The following NFKBID variants were observed in gnomAD, a reference collection of about 807,000 sequenced individuals.
The protein encoded by NFKBID is NFKB inhibitor delta.
A neutral mutation model predicts 53.4 loss-of-function variants in NFKBID; 26 were observed. That is an observed-to-expected ratio of 0.49 (90% CI 0.36 to 0.68). The LOEUF is 0.68. Among genes scored for constraint, NFKBID ranks in the 30% least tolerant of loss-of-function variants. The probability of loss-of-function intolerance (pLI) is 0.00; values close to 1 mark genes in which losing one functional copy is unlikely to be tolerated. For missense variants in NFKBID, 493 were observed against 614.1 expected (o/e 0.80, Z 2.08); for synonymous variants, 262 against 259.8 (o/e 1.01, Z -0.08).
At chr19:35,897,127 G>A (rs894753341) in intron 4 of NFKBID, 69 bp from the exon 5 acceptor site, 2 of 1,516,866 alleles carry the variant, frequency 1.3e-6, no homozygotes, top group Non-Finnish European at 8.9e-7. Flanking sequence ...GTGGTGGGGA[G>A]ACCCAGTCAG....
At chr19:35,899,996 G>T (rs1048044724) in intron 1 of NFKBID, among the ~76,000 whole-genome samples, 7 of 148,160 alleles carry the variant, frequency 4.7e-5, no homozygotes, top group Non-Finnish European at 1.0e-4. Flanking sequence ...GCAGAGGCAG[G>T]GTCACCGCCA....
chr19:35,894,074 T>C (rs920944214), intron 9 of NFKBID, among the ~76,000 whole-genome samples: 1 of 151,640 alleles, frequency 6.6e-6, no homozygotes, highest in Non-Finnish European at 1.5e-5. Context: ...CTGGCCAACA[T>C]AGGGAAACCC....
chr19:35,897,882 C>G (rs548159023), intron 3 of NFKBID, 26 bp from the exon 4 acceptor site: 1 of 1,495,866 alleles, frequency 6.7e-7, no homozygotes, highest in Non-Finnish European at 9.0e-7. Flanking sequence ...GGGGCAGGGG[C>G]AGGTCTGGTT....
At chr19:35,900,982 G>A (rs1318358345), upstream of NFKBID, among the ~76,000 whole-genome samples, 1 of 151,924 alleles carries the variant, frequency 6.6e-6, no homozygotes, top group Non-Finnish European at 1.5e-5. Context: ...ACAGGTGCTG[G>A]ACACCATGCC....
chr19:35,900,544 C>A lies in NFKBID; in HGVS notation c.-42G>T. The A allele has an allele frequency of 8.1e-7, 1 of 1,231,680 alleles. No homozygotes were observed. The highest frequency in any genetic ancestry group is 1.0e-6 in the Non-Finnish European group (1 of 987,650). The allele number at this position is 1,231,680 out of a possible 1,614,324, so 76.3% of individuals were successfully genotyped here. ...GCGGAGCCGCCGCCGGGTCCCCGATCTTGGGTCCGGTACCCGCGAGTTTTT... is the reference window on the plus strand; with the variant it reads ...GCGGAGCCGCCGCCGGGTCCCCGATATTGGGTCCGGTACCCGCGAGTTTTT... On this transcript the variant is annotated 5_prime_UTR_variant, in exon 1 of 12. Coordinates refer to ENST00000641389, the Ensembl canonical transcript of NFKBID.
chr19:35,893,174 A>C (rs970175247), intron 9 of NFKBID, among the ~76,000 whole-genome samples: 1 of 152,208 alleles, frequency 6.6e-6, no homozygotes, highest in Non-Finnish European at 1.5e-5. Flanking sequence ...GTCTCTAAAA[A>C]ACAAACAAAC....
rs768512398 is a variant in NFKBID, at chr19:35,896,080, C to T, written c.932G>A (p.Arg311His). Reference sequence around the variant, plus strand: ...CACCCGGGGACAGAGGTCGGAAGGGCGCATAGCAACGTTAAGGGCCAGGAT... The same window carrying T: ...CACCCGGGGACAGAGGTCGGAAGGGTGCATAGCAACGTTAAGGGCCAGGAT... The change falls in exon 9 of 12, where the codon CGC becomes CAC. Residue 311 changes from arginine (R) to histidine (H), a missense_variant. This residue lies in a region of NFKBID where 267 missense variants were observed against 384.6 expected (regional missense o/e 0.69). Transcript: ENST00000641389. The surrounding 1 kb of genome is among the most constrained non-coding windows in gnomAD (Gnocchi z 5.7). 1.8e-5 allele frequency: 29 copies of T among 1,613,986 alleles called. No individual in the cohort carries two copies. The highest frequency in any genetic ancestry group is 8.3e-5 in the Admixed American group (5 of 59,992).
upstream of NFKBID, among the ~76,000 whole-genome samples, chr19:35,900,827 C>CTTTCTTTTTTTTTTTTTTTTTTTTT (rs1975529581): frequency 1.9e-5 from 2 of 107,606 alleles, no homozygotes; most frequent in African/African-American, 3.6e-5. Context: ...TTTTTCTTTT[C>CTTTCTTTTTTTTTTTTTTTTTTTTT]TTTTTTTTTT....
At chr19:35,900,072 A>ACCCCCC (rs1568498131) in intron 1 of NFKBID, among the ~76,000 whole-genome samples, 5 of 792 alleles carry the variant, frequency 6.3e-3, no homozygotes, top group Admixed American at 0.037. Flanking sequence ...TTAAGCAACC[A>ACCCCCC]CGCCCCCCCC....
At chr19:35,898,217 C>T (rs1354327621) in intron 3 of NFKBID, among the ~76,000 whole-genome samples, 1 of 152,076 alleles carries the variant, frequency 6.6e-6, no homozygotes, top group Non-Finnish European at 1.5e-5. Context: ...AGCAAGGTGG[C>T]ATCGCCTGTG....
Position 35,896,457 on chromosome 19 carries a change from C to A in NFKBID, c.766G>T (p.Ala256Ser). Residue 256 changes from alanine (A) to serine (S), a missense_variant, in exon 7 of 12, where the codon GCT becomes TCT. Ala to Ser is a moderately conservative substitution (Grantham distance 99). Coordinates refer to ENST00000641389, the Ensembl canonical transcript of NFKBID. The surrounding 1 kb of genome is among the most constrained non-coding windows in gnomAD (Gnocchi z 5.7). ...AAGACCGAACGTCCCTGATGGTCAGCGGCATTGGGCTCTGCTCCCAGGTTC... is the reference window on the plus strand; with the variant it reads ...AAGACCGAACGTCCCTGATGGTCAGAGGCATTGGGCTCTGCTCCCAGGTTC... 2 of 1,614,124 alleles carry A rather than the reference C, an allele frequency of 1.2e-6. No homozygotes were observed. The highest frequency in any genetic ancestry group is 1.7e-6 in the Non-Finnish European group (2 of 1,179,998).
intron 9 of NFKBID, among the ~76,000 whole-genome samples, chr19:35,891,641 G>A (rs1435994085): frequency 6.6e-6 from 1 of 152,086 alleles, no homozygotes; most frequent in African/African-American, 2.4e-5. Context: ...GGCCAAGGAG[G>A]GCGGATCACT....
intron 9 of NFKBID, among the ~76,000 whole-genome samples, chr19:35,893,425 T>C (rs752924727): frequency 4.6e-5 from 7 of 152,144 alleles, no homozygotes; most frequent in Non-Finnish European, 8.8e-5. Flanking sequence ...CTTCTTACAG[T>C]CCATCCCCAC....
chr19:35,896,809 G>A lies in NFKBID; in HGVS notation c.601C>T (p.Arg201Trp), dbSNP rs780262693. 39 of 1,613,872 alleles carry A rather than the reference G, an allele frequency of 2.4e-5. No individual in the cohort carries two copies. The highest frequency in any genetic ancestry group is 4.5e-5 in the East Asian group (2 of 44,896). The stretch of plus-strand genomic sequence containing the variant: ...GCATATGCCGCCCAGCGCAGCCCCC[G>A]AGCCGCAAACAGGTGAAGGAGCCTG... The change falls in exon 6 of 12, where the codon CGG (arginine) becomes TGG (tryptophan). Residue 201 changes from arginine (R) to tryptophan (W), a missense_variant. By Grantham distance (101) the Arg-to-Trp change is moderately radical. Transcript: ENST00000641389. The surrounding 1 kb of genome is among the most constrained non-coding windows in gnomAD (Gnocchi z 5.7).
intron 1 of NFKBID, chr19:35,899,889 G>C (rs1021112342): frequency 6.6e-6 from 1 of 152,270 alleles, no homozygotes; most frequent in African/African-American, 2.4e-5. Flanking sequence ...GCTCCGAGGC[G>C]GGGCGCGCGG....
Position 35,896,566 on chromosome 19 carries a change from G to C in NFKBID, c.685-28C>G, listed in dbSNP as rs763829541. On this transcript the variant is annotated intron_variant, in intron 6 of 11. Transcript: ENST00000641389. This position sits in a 1 kb window ranked among gnomAD's most constrained non-coding sequence, Gnocchi z 5.7. ...GCAGGCCACAGGAGAAGTCAGGTTG[G>C]GCTCCTGGTTCCCTCCCGTCAGAAA... 19 of 1,611,956 alleles carry C rather than the reference G, an allele frequency of 1.2e-5. No individual in the cohort carries two copies. The highest frequency in any genetic ancestry group is 1.7e-4 in the Middle Eastern group (1 of 6,022).
chr19:35,891,592 G>A (rs1381260635), intron 9 of NFKBID, among the ~76,000 whole-genome samples: 1 of 151,910 alleles, frequency 6.6e-6, no homozygotes, highest in Non-Finnish European at 1.5e-5. Context: ...TTTTTCGAAG[G>A]GCACAGGGGC....
upstream of NFKBID, chr19:35,901,851 G>A (rs1975576079): frequency 3.0e-6 from 1 of 336,744 alleles, no homozygotes; most frequent in African/African-American, 2.1e-5. Flanking sequence ...ATGAGCCACT[G>A]CGGTGGCCTC....
upstream of NFKBID, chr19:35,900,745 A>C: frequency 2.6e-6 from 2 of 767,086 alleles, no homozygotes; most frequent in Non-Finnish European, 3.5e-6. Context: ...GCTCTGAAGG[A>C]GCCTAGGGCA....
Sources: gnomAD v4.1 joint callset for allele counts (sites outside exome capture counted in the v4.1 genomes callset) on GRCh38, gnomAD v4.1.1 for gene constraint, gnomAD v4.1.1 regional missense constraint, Gnocchi (gnomAD v3.1) non-coding constraint, MANE v1.5 for transcripts, NCBI Gene and HGNC (gene_info 2026-07-23, HGNC 2026-07-21) for gene names.